Variants in PREPL observed in about 807,000 individuals in gnomAD.
The protein encoded by PREPL is prolyl endopeptidase-like.
A neutral mutation model predicts 70.6 loss-of-function variants in PREPL; 77 were observed. The observed-to-expected ratio is 1.09, with a 90% CI of 0.91 to 1.32. The LOEUF is 1.32. Among genes scored for constraint, PREPL ranks in the 40% most tolerant of loss-of-function variants. The pLI is 0.00. For synonymous variants in PREPL, 315 were observed against 264.8 expected (o/e 1.19, Z -1.84); for missense variants, 1,002 against 778.2 (o/e 1.29, Z -3.42).
At chr2:44,345,806 G>A (rs905507047) in intron 2 of PREPL, among the ~76,000 whole-genome samples, 1 of 152,074 alleles carries the variant, frequency 6.6e-6, no homozygotes, top group Non-Finnish European at 1.5e-5. Context: ...AACAAAGTAT[G>A]AACTACTTTC....
At chr2:44,342,370 TGGAGGA>T in intron 5 of PREPL, 41 bp downstream of exon 5, 1 of 1,505,904 alleles carries the variant, frequency 6.6e-7, no homozygotes, top group Non-Finnish European at 9.0e-7. Flanking sequence ...TTTAAATAAC[TGGAGGA>T]AGGTTCTGGA....
At chr2:44,326,957 T>TG in intron 9 of PREPL, 29 bp from the exon 10 acceptor site, 1 of 1,596,316 alleles carries the variant, frequency 6.3e-7, no homozygotes, top group Non-Finnish European at 8.6e-7. Context: ...AAAGTTTTAG[T>TG]GGAAAAAAAA....
chr2:44,352,735 C>T (rs932420368), intron 1 of PREPL, among the ~76,000 whole-genome samples: 1 of 150,874 alleles, frequency 6.6e-6, no homozygotes, highest in Non-Finnish European at 1.5e-5. Flanking sequence ...CAGCATAAAA[C>T]ATAAAATGAA....
At chr2:44,356,514 C>A (rs13402020) in intron 1 of PREPL, 5,315 of 152,278 alleles carry the variant, frequency 0.035, 301 homozygotes, top group African/African-American at 0.12. Flanking sequence ...CATTGCACTC[C>A]GGCCTGGGCA....
chr2:44,333,924 T>C (rs1011321991), intron 7 of PREPL, among the ~76,000 whole-genome samples: 1 of 152,214 alleles, frequency 6.6e-6, no homozygotes, highest in African/African-American at 2.4e-5. Flanking sequence ...CTCAAGTTTT[T>C]CTGCCCTTTG....
Position 44,344,094 on chromosome 2 carries a change from T to G in PREPL, c.143-143A>C, listed in dbSNP as rs1181779638. 88 of 1,008,674 alleles carry G rather than the reference T, an allele frequency of 8.7e-5. No homozygotes were observed. In the South Asian group the frequency reaches 1.5e-3, roughly 17 times the overall value. The allele number at this position is 1,008,674 out of a possible 1,614,324, so 62.5% of individuals were successfully genotyped here. A position where few individuals can be genotyped will look rare whatever the true frequency, so the allele number is the denominator to read the frequency against. ...CTTTCAACAATGATGGCAGCTTAAC[T>G]TGCACATCAACTGACAATAAGTTAT... On this transcript the variant is annotated intron_variant, in intron 3 of 13. Coordinates refer to ENST00000409411, the MANE Select transcript of PREPL (RefSeq NM_001171613.2).
intron 1 of PREPL, 21 bp downstream of exon 1, chr2:44,361,359 C>G (rs1326818002): frequency 6.6e-6 from 1 of 152,350 alleles, no homozygotes; most frequent in Non-Finnish European, 1.5e-5. Flanking sequence ...GGAAAGAGAC[C>G]AGCACACCCC....
intron 5 of PREPL, among the ~76,000 whole-genome samples, chr2:44,340,927 C>CAAAAAAAA (rs966745305): frequency 4.0e-4 from 39 of 97,928 alleles, no homozygotes; most frequent in South Asian, 1.3e-3. Flanking sequence ...GACTCTGTTT[C>CAAAAAAAA]AAAAAAAAAA....
chr2:44,361,803 A>C, upstream of PREPL: 3 of 989,216 alleles, frequency 3.0e-6, no homozygotes, highest in Non-Finnish European at 4.0e-6. Flanking sequence ...TACCAGCAAG[A>C]ATGGTGCAAT....
At chr2:44,329,231 G>A in intron 8 of PREPL, 119 bp from the exon 9 acceptor site, 3 of 762,822 alleles carry the variant, frequency 3.9e-6, no homozygotes, top group East Asian at 2.8e-5. Context: ...CTGATGTTGA[G>A]CACAAATTTG....
chr2:44,343,845 G>A lies in PREPL; in HGVS notation c.249C>T (p.Ala83=), dbSNP rs773977540. 3 of 1,613,674 alleles carry A rather than the reference G, an allele frequency of 1.9e-6. No individual in the cohort carries two copies. Among genetic ancestry groups the A allele is most frequent in the Admixed American group, 1.7e-5 (1 of 59,972 alleles). ...RVAPDEKYVA[A]KIRTEDSEAS... ...CTTCAGAATCTTCAGTTCTTATCTT[G>A]GCAGCCACATATTTTTCATCTGGAG... is the stretch of plus-strand genomic sequence containing the variant. Residue 83 remains alanine, a synonymous_variant, in exon 4 of 14, where the codon GCC becomes GCT. Transcript: ENST00000409411.
chr2:44,328,999 A>G lies in PREPL; in HGVS notation c.1200T>C (p.Asn400=). The G allele has an allele frequency of 6.2e-7, 1 of 1,614,106 alleles. No homozygotes were observed. The highest frequency in any genetic ancestry group is 1.1e-5 in the South Asian group (1 of 91,070). The change falls in exon 9 of 14, where the codon AAT becomes AAC. Residue 400 remains asparagine, a synonymous_variant. Transcript: ENST00000409411. ...YGAYGMDLKM[N]FRPERRVLVD... is the part of the protein sequence containing the mutation. Reference sequence around the variant, plus strand: ...CCAGGACCCGCCTCTCAGGCCTGAAATTCATTTTCAAATCCATTCCATAAG... The same window carrying G: ...CCAGGACCCGCCTCTCAGGCCTGAAGTTCATTTTCAAATCCATTCCATAAG...
At chr2:44,323,448 G>A (rs1031582281) in intron 10 of PREPL, 37 bp from the exon 11 acceptor site, 1 of 1,510,652 alleles carries the variant, frequency 6.6e-7, no homozygotes, top group African/African-American at 1.4e-5. Context: ...CTTCAAGTAA[G>A]AGGTTGGTAA....
rs200977059 is a variant in PREPL, at chr2:44,355,149, T to TA, written c.-49+6230dup. On this transcript the variant is annotated intron_variant, in intron 1 of 13. Transcript: ENST00000409411. ...CCATTCTCAACAGCCTCCAATCAGTTAAAAAAAATCATTTGTTTTCTAACA... is the reference window on the plus strand; with the variant it reads ...CCATTCTCAACAGCCTCCAATCAGTTAAAAAAAAATCATTTGTTTTCTAACA... Among the ~76,000 whole-genome samples the TA allele has an allele frequency of 8.6e-4, 131 of 152,172 alleles. 1 individual carries two copies. Among genetic ancestry groups the TA allele is most frequent in the African/African-American group, 3.0e-3 (125 of 41,546 alleles).
In PREPL at chr2:44,321,915, A is replaced by G. The variant is rs747871303; in HGVS notation, c.1754-15T>C. The G allele has an allele frequency of 1.2e-6, 2 of 1,608,020 alleles. No homozygotes were observed. Among genetic ancestry groups the G allele is most frequent in the African/African-American group, 1.3e-5 (1 of 74,778 alleles). On this transcript the variant is annotated splice_polypyrimidine_tract_variant and intron_variant, in intron 12 of 13. Coordinates refer to ENST00000409411, the MANE Select transcript of PREPL (RefSeq NM_001171613.2). ...GGTCTGATAGCCTGGAAGAGTTAACATGTAGAACAATTAGAAGATTGTATG... is the reference window on the plus strand; with the variant it reads ...GGTCTGATAGCCTGGAAGAGTTAACGTGTAGAACAATTAGAAGATTGTATG...
intron 1 of PREPL, among the ~76,000 whole-genome samples, chr2:44,350,475 T>C (rs1210236788): frequency 6.6e-6 from 1 of 152,154 alleles, no homozygotes; most frequent in Non-Finnish European, 1.5e-5. Context: ...CACAGAAATA[T>C]ACTAAATCTG....
At chr2:44,355,206 G>A (rs538252149) in intron 1 of PREPL, among the ~76,000 whole-genome samples, 12 of 152,252 alleles carry the variant, frequency 7.9e-5, no homozygotes, top group Non-Finnish European at 1.3e-4. Context: ...AAAGAGATGA[G>A]GAATTATCAC....
intron 5 of PREPL, among the ~76,000 whole-genome samples, chr2:44,340,279 T>C (rs969685507): frequency 2.6e-5 from 4 of 152,074 alleles, no homozygotes; most frequent in Admixed American, 1.3e-4. Context: ...TTCACAATTA[T>C]TTTCCCAAGA....
chr2:44,321,632 G>A lies in PREPL; in HGVS notation c.1828-187C>T, dbSNP rs987192179. 6 of 1,490,316 alleles carry A rather than the reference G, an allele frequency of 4.0e-6. No individual in the cohort carries two copies. The African/African-American group carries it at 5.7e-5, about 14-fold the overall frequency. The allele number at this position is 1,490,316 out of a possible 1,614,324, so 92.3% of individuals were successfully genotyped here. A position where few individuals can be genotyped will look rare whatever the true frequency, so the allele number is the denominator to read the frequency against. On this transcript the variant is annotated intron_variant, in intron 13 of 13. Transcript: ENST00000409411. The stretch of plus-strand genomic sequence containing the variant: ...AGATTAAATTATTTTCTTTAACAGA[G>A]CTCACGTATCAAGTACAAGAGAGAG...
Sources: allele counts gnomAD v4.1 joint callset (sites outside exome capture counted in the v4.1 genomes callset), GRCh38; gene constraint gnomAD v4.1.1; transcripts MANE v1.5; gene names NCBI Gene and HGNC (gene_info 2026-07-23, HGNC 2026-07-21).